Variants in TICRR observed in about 807,000 individuals in gnomAD.
TICRR encodes the protein TOPBP1 interacting checkpoint and replication regulator.
Under a neutral mutation model 178.1 loss-of-function variants are expected in TICRR, and 132 were observed. The observed-to-expected ratio is 0.74, with a 90% CI of 0.64 to 0.86. TICRR has a LOEUF of 0.86. Among genes scored for constraint, TICRR ranks in the 40% least tolerant of loss-of-function variants. The probability of loss-of-function intolerance (pLI) is 0.00; values close to 1 mark genes in which losing one functional copy is unlikely to be tolerated. For missense variants in TICRR, 2,587 were observed against 2,334.3 expected, an observed-to-expected ratio of 1.11 and a Z score of -2.23; for synonymous variants, 991 against 900.7, an observed-to-expected ratio of 1.10 and a Z score of -1.79.
chr15:89,575,777 A>G lies in TICRR; in HGVS notation c.191A>G (p.Asp64Gly). 6.2e-7 allele frequency: 1 copy of G among 1,608,802 alleles called. No individual in the cohort carries two copies. Among genetic ancestry groups the G allele is most frequent in the Non-Finnish European group, 8.5e-7 (1 of 1,178,604 alleles). ...GARSRPSRVS[D>G]FRELGSRSWE... ...CGGAGCCGGCCGTCCCGCGTGTCTG[A>G]CTTCCGCGAGCTGGGGTCCCGCTCG... The change falls in exon 1 of 22, where the codon GAC becomes GGC. Residue 64 changes from aspartate (D) to glycine (G), a missense_variant. Asp to Gly is a moderately conservative substitution (Grantham distance 94). Transcript: ENST00000268138.
intron 4 of TICRR, among the ~76,000 whole-genome samples, chr15:89,586,259 T>G (rs892965294): frequency 4.6e-5 from 7 of 152,328 alleles, no homozygotes; most frequent in African/African-American, 1.7e-4. Flanking sequence ...TGCAACTAAA[T>G]GCATTGTTAC....
rs1270618417 is a variant in TICRR at position 89,625,179 on chromosome 15, A to AC, written c.4875dup (p.Cys1626LeufsTer30). On this transcript the variant is annotated frameshift_variant, in exon 20 of 22. Coordinates refer to ENST00000268138, the MANE Select transcript of TICRR (RefSeq NM_152259.4). LOFTEE classifies it high-confidence loss of function. ...GCAAACCTGAACCCACCTATGTGTC[A>AC]CCCCCCTGCCCCCGCCTCTCCCACA... 9 of 1,603,980 alleles carry AC rather than the reference A, an allele frequency of 5.6e-6. No individual in the cohort carries two copies. The highest frequency in any genetic ancestry group is 7.7e-6 in the Non-Finnish European group (9 of 1,175,040).
rs1365794113 is a variant in TICRR at position 89,627,107 on chromosome 15, A to AAAAG, written c.*23_*26dup. 6.2e-7 allele frequency: 1 copy of AAAAG among 1,613,450 alleles called. No individual in the cohort carries two copies. The highest frequency in any genetic ancestry group is 8.5e-7 in the Non-Finnish European group (1 of 1,179,966). On this transcript the variant is annotated 3_prime_UTR_variant, in exon 22 of 22. Transcript: ENST00000268138. ...TATAGCCACAAACATTACTGAGCCC[A>AAAAG]AAAGATCAAGGAGTCAGCCAGGACC...
intron 3 of TICRR, 78 bp downstream of exon 3, chr15:89,584,605 C>T (rs970181126): frequency 1.3e-4 from 178 of 1,416,856 alleles, no homozygotes; most frequent in Non-Finnish European, 1.6e-4. Flanking sequence ...TTATAAATGC[C>T]CTACACAATA....
intron 17 of TICRR, 135 bp downstream of exon 17, chr15:89,618,345 A>G (rs961330642): frequency 1.3e-6 from 1 of 777,564 alleles, no homozygotes; most frequent in Non-Finnish European, 2.2e-6. Context: ...AATGCAGCTC[A>G]GTAAATATTT....
At chr15:89,586,789 G>A (rs1480241988) in intron 4 of TICRR, among the ~76,000 whole-genome samples, 1 of 152,196 alleles carries the variant, frequency 6.6e-6, no homozygotes, top group African/African-American at 2.4e-5. Flanking sequence ...TGGCTGCAGT[G>A]AAAGGAGCAA....
chr15:89,595,623 A>C lies in TICRR; in HGVS notation c.1900+12A>C. 1.2e-6 allele frequency: 2 copies of C among 1,603,596 alleles called. No individual in the cohort carries two copies. The highest frequency in any genetic ancestry group is 1.7e-6 in the Non-Finnish European group (2 of 1,172,354). ...TTCTAAACCTAAAGGTATTCCTCTT[A>C]GTCTATAATTTACTCTTTTATACCC... On this transcript the variant is annotated intron_variant, in intron 7 of 21. Transcript: ENST00000268138.
intron 19 of TICRR, among the ~76,000 whole-genome samples, chr15:89,622,782 T>C (rs569654766): frequency 8.5e-5 from 13 of 152,276 alleles, no homozygotes; most frequent in African/African-American, 3.1e-4. Context: ...TTGCTAGTAT[T>C]GTTTTCTATG....
intron 15 of TICRR, 42 bp from the exon 16 acceptor site, chr15:89,616,363 G>A (rs748029417): frequency 1.7e-5 from 27 of 1,570,168 alleles, no homozygotes; most frequent in East Asian, 2.2e-5. Context: ...TTCTTGATGA[G>A]GTTAAATGAA....
intron 1 of TICRR, among the ~76,000 whole-genome samples, chr15:89,578,072 T>C (rs1469078338): frequency 6.6e-6 from 1 of 152,062 alleles, no homozygotes; most frequent in Non-Finnish European, 1.5e-5. Flanking sequence ...TGAGACCTAG[T>C]AGGCAAGGGG....
chr15:89,596,855 C>A (rs965903395), intron 7 of TICRR, among the ~76,000 whole-genome samples: 2 of 152,136 alleles, frequency 1.3e-5, no homozygotes, highest in African/African-American at 4.8e-5. Context: ...AAAGTCTGTA[C>A]ATTTTCTCTT....
rs146039045 is a variant in TICRR, at chr15:89,616,003, G to A, written c.2870-402G>A. 9.9e-3 allele frequency among the ~76,000 whole-genome samples: 1,496 copies of A among 151,636 alleles called. 27 individuals carry two copies. The highest frequency in any genetic ancestry group is 0.035 in the African/African-American group (1,439 of 41,302). Reference sequence around the variant, plus strand: ...GGGTTCAAGTGATTCTCCTGCCTCCGCCTCCCAAGTAGCTGGGCTTACAGG... The same window carrying A: ...GGGTTCAAGTGATTCTCCTGCCTCCACCTCCCAAGTAGCTGGGCTTACAGG... On this transcript the variant is annotated intron_variant, in intron 15 of 21. Transcript: ENST00000268138.
chr15:89,576,281 C>T (rs1294799454), intron 1 of TICRR, 41 bp downstream of exon 1: 3 of 1,487,884 alleles, frequency 2.0e-6, no homozygotes. Flanking sequence ...GTGCACGGTG[C>T]TTTCCTTGCT....
Position 89,625,242 on chromosome 15 carries a change from C to T in TICRR, c.4932C>T (p.Cys1644=), listed in dbSNP as rs1371985885. Reference sequence around the variant, plus strand: ...AGAGCAGGGGGCAAACCTACATCTGCCAGGCCTGTACCCCCACCCACGGCC... The same window carrying T: ...AGAGCAGGGGGCAAACCTACATCTGTCAGGCCTGTACCCCCACCCACGGCC... The part of the protein sequence containing the change: ...PGKSRGQTYI[C]QACTPTHGPS... The change falls in exon 20 of 22, where the codon TGC becomes TGT. Residue 1644 remains cysteine, a synonymous_variant. Transcript: ENST00000268138. 6.2e-7 allele frequency: 1 copy of T among 1,613,546 alleles called. No individual in the cohort carries two copies. The highest frequency in any genetic ancestry group is 1.3e-5 in the African/African-American group (1 of 74,912).
chr15:89,626,521 A>G (rs1963530411), intron 21 of TICRR, among the ~76,000 whole-genome samples: 1 of 152,116 alleles, frequency 6.6e-6, no homozygotes, highest in African/African-American at 2.4e-5. Flanking sequence ...CTATTCCCAA[A>G]AGACAAGGAT....
intron 1 of TICRR, chr15:89,582,405 G>A (rs1567039713): frequency 1.7e-5 from 6 of 358,662 alleles, no homozygotes; most frequent in African/African-American, 4.2e-5. Context: ...TATACCCAGT[G>A]ATTTGTGTCA....
chr15:89,625,991 C>T lies in TICRR; in HGVS notation c.5532C>T (p.Leu1844=), dbSNP rs1348558862. ...AVRSCLSASA[L]QALTQSPLLF... Reference sequence around the variant, plus strand: ...GGAGCTGCCTCTCTGCCAGTGCCCTCCAGGCTCTGACCCAGTCTCCGCTGC... The same window carrying T: ...GGAGCTGCCTCTCTGCCAGTGCCCTTCAGGCTCTGACCCAGTCTCCGCTGC... The change falls in exon 21 of 22, where the codon CTC becomes CTT. Residue 1844 remains leucine, a synonymous_variant. Transcript: ENST00000268138. 3.7e-6 allele frequency: 6 copies of T among 1,609,666 alleles called. No homozygotes were observed. The highest frequency in any genetic ancestry group is 5.1e-6 in the Non-Finnish European group (6 of 1,178,028).
chr15:89,610,472 G>C (rs1438878419), intron 15 of TICRR, among the ~76,000 whole-genome samples: 1 of 152,052 alleles, frequency 6.6e-6, no homozygotes, highest in East Asian at 1.9e-4. Flanking sequence ...TTTGTGTTTT[G>C]TAATCTTTCT....
rs1041247402 is a variant in TICRR, at chr15:89,575,845, C to G, written c.259C>G (p.Arg87Gly). 6.3e-7 allele frequency: 1 copy of G among 1,588,346 alleles called. No individual in the cohort carries two copies. The highest frequency in any genetic ancestry group is 1.3e-5 in the African/African-American group (1 of 74,456). ...EEELEARLED[R>G]AHLPGPAPRA... ...GGAGCTGGAGGCCAGGCTCGAGGAT[C>G]GCGCCCACCTGCCCGGCCCGGCGCC... Residue 87 changes from arginine (R) to glycine (G), a missense_variant, in exon 1 of 22, where the codon CGC (arginine) becomes GGC (glycine). Arg to Gly is a moderately radical substitution (Grantham distance 125). Transcript: ENST00000268138.
Sources: allele counts gnomAD v4.1 joint callset (sites outside exome capture counted in the v4.1 genomes callset), GRCh38; gene constraint gnomAD v4.1.1; transcripts MANE v1.5; gene names NCBI Gene and HGNC (gene_info 2026-07-23, HGNC 2026-07-21).